The following TRIQK variants were observed in gnomAD, a reference collection of about 807,000 sequenced individuals.
The protein encoded by TRIQK is triple QxxK/R motif-containing protein.
In TRIQK, 10 loss-of-function variants were observed where a neutral mutation model predicts 10.8. The observed-to-expected ratio is 0.92, with a 90% confidence interval of 0.57 to 1.57. TRIQK has a LOEUF of 1.57. TRIQK is among the 40% of genes most tolerant of loss of function. The probability of loss-of-function intolerance (pLI) is 0.00; values close to 1 mark genes in which losing one functional copy is unlikely to be tolerated. For missense variants in TRIQK, 107 were observed against 97.7 expected (o/e 1.09, Z -0.40); for synonymous variants, 33 against 33.7 (o/e 0.98, Z 0.07).
At chr8:92,916,363 T>A (rs1208536984) in intron 3 of TRIQK, among the ~76,000 whole-genome samples, 1 of 152,192 alleles carries the variant, frequency 6.6e-6, no homozygotes, top group Non-Finnish European at 1.5e-5. Flanking sequence ...TAGGGTAGTA[T>A]CTCCTTGAGG....
intron 3 of TRIQK, among the ~76,000 whole-genome samples, chr8:92,914,971 G>T (rs968477313): frequency 2.6e-5 from 4 of 152,118 alleles, no homozygotes; most frequent in Non-Finnish European, 4.4e-5. Context: ...AGTGTCCACA[G>T]ACAGATGACG....
chr8:92,955,114 T>C (rs571749085), intron 1 of TRIQK, among the ~76,000 whole-genome samples: 123 of 151,992 alleles, frequency 8.1e-4, no homozygotes, highest in African/African-American at 2.8e-3. Flanking sequence ...ATATTAAATG[T>C]CAGGCAATGA....
At chr8:92,980,294 T>C (rs942520550) in intron 1 of TRIQK, among the ~76,000 whole-genome samples, 2 of 152,066 alleles carry the variant, frequency 1.3e-5, no homozygotes, top group Non-Finnish European at 2.9e-5. Flanking sequence ...TATTCCTTTT[T>C]AAAATATGCT....
At chr8:93,010,597 T>C (rs773764386) in intron 1 of TRIQK, among the ~76,000 whole-genome samples, 158 of 152,270 alleles carry the variant, frequency 1.0e-3, no homozygotes, top group Non-Finnish European at 7.5e-4. Flanking sequence ...TATATCTCAT[T>C]AAATACTTTT....
chr8:92,946,437 A>G (rs1230707836), intron 2 of TRIQK, among the ~76,000 whole-genome samples: 1 of 152,170 alleles, frequency 6.6e-6, no homozygotes, highest in African/African-American at 2.4e-5. Context: ...CCTCTTTCTT[A>G]AAGGGAAAAA....
At chr8:92,973,903 T>C (rs992573663) in intron 1 of TRIQK, 2 of 152,550 alleles carry the variant, frequency 1.3e-5, no homozygotes, top group African/African-American at 4.8e-5. Flanking sequence ...TATATTTACG[T>C]TGTGAAATCA....
At chr8:92,978,440 A>G (rs550047926) in intron 1 of TRIQK, among the ~76,000 whole-genome samples, 85 of 152,270 alleles carry the variant, frequency 5.6e-4, no homozygotes, top group African/African-American at 2.0e-3. Context: ...TTAGTTCATC[A>G]TGGCTGGGAG....
At chr8:92,937,364 G>A (rs1257544780) in intron 2 of TRIQK, among the ~76,000 whole-genome samples, 1 of 151,598 alleles carries the variant, frequency 6.6e-6, no homozygotes, top group Non-Finnish European at 1.5e-5. Context: ...GCAGGAATGA[G>A]GAAGTACAAT....
chr8:92,904,557 T>C (rs1809149449), intron 3 of TRIQK, among the ~76,000 whole-genome samples: 1 of 152,108 alleles, frequency 6.6e-6, no homozygotes, highest in South Asian at 2.1e-4. Context: ...TAGCACATGG[T>C]CATAACTAGC....
intron 3 of TRIQK, among the ~76,000 whole-genome samples, chr8:92,894,920 G>A (rs763525017): frequency 1.3e-5 from 2 of 152,110 alleles, no homozygotes; most frequent in Non-Finnish European, 2.9e-5. Flanking sequence ...TCTCTGCACA[G>A]TTACCTTATT....
At chr8:92,989,100 A>G (rs559034178) in intron 1 of TRIQK, among the ~76,000 whole-genome samples, 33 of 150,530 alleles carry the variant, frequency 2.2e-4, no homozygotes, top group African/African-American at 8.0e-4. Context: ...TGTGATAAAG[A>G]TAATACTGCA....
At chr8:92,913,228 CAGA>C (rs1208334832) in intron 3 of TRIQK, among the ~76,000 whole-genome samples, 3 of 151,962 alleles carry the variant, frequency 2.0e-5, no homozygotes, top group African/African-American at 2.4e-5. Context: ...TCAACAAATG[CAGA>C]AGAAGCATTT....
intron 2 of TRIQK, among the ~76,000 whole-genome samples, chr8:92,945,171 T>C (rs1252790626): frequency 2.0e-5 from 3 of 152,184 alleles, no homozygotes; most frequent in Non-Finnish European, 4.4e-5. Context: ...CACTACATAC[T>C]GGACTTTCAG....
Position 92,885,765 on chromosome 8 carries a change from A to G in TRIQK, c.*857T>C, listed in dbSNP as rs1816444613. The G allele has an allele frequency of 6.6e-6, 1 of 151,776 alleles. No homozygotes were observed. The highest frequency in any genetic ancestry group is 1.5e-5 in the Non-Finnish European group (1 of 67,830). The allele number at this position is 151,776 out of a possible 1,614,324, so 9.4% of individuals were successfully genotyped here. ...CAGATTTAGGAGACAACCTAAGAAG[A>G]TGATTCTGAGTAGGTAGGATTTTTG... On this transcript the variant is annotated 3_prime_UTR_variant, in exon 5 of 5. Transcript: ENST00000521988.
chr8:92,977,131 T>C (rs1812941290), intron 1 of TRIQK, among the ~76,000 whole-genome samples: 1 of 152,058 alleles, frequency 6.6e-6, no homozygotes, highest in Non-Finnish European at 1.5e-5. Flanking sequence ...TCTCTTTACT[T>C]AAAAGACTTT....
intron 2 of TRIQK, among the ~76,000 whole-genome samples, chr8:92,932,217 A>G (rs1810763611): frequency 6.6e-6 from 1 of 152,090 alleles, no homozygotes; most frequent in South Asian, 2.1e-4. Flanking sequence ...CACTTTATAT[A>G]TTACGCCCTC....
In TRIQK at chr8:92,886,626, T is replaced by A. The variant is rs1816492530; in HGVS notation, c.257A>T (p.Asp86Val). 6.6e-7 allele frequency: 1 copy of A among 1,513,010 alleles called. No homozygotes were observed. Among genetic ancestry groups the A allele is most frequent in the Admixed American group, 2.1e-5 (1 of 47,980 alleles). 93.7% of individuals were successfully genotyped at this position (1,513,010 alleles called of 1,614,324 possible). A position where few individuals can be genotyped will look rare whatever the true frequency, so the allele number is the denominator to read the frequency against. ...CATGCATTGATTGTTGCTTAGCTAA[T>A]CTTCATCTTGGTCCAGATCAGGGTC... The part of the protein sequence containing the change: ...DVDPDLDQDE[D>V] Residue 86 changes from aspartate to valine, a missense_variant, in exon 5 of 5, where the codon GAT becomes GTT. Transcript: ENST00000521988.
chr8:92,975,525 G>A (rs745951874), intron 1 of TRIQK, among the ~76,000 whole-genome samples: 1 of 151,934 alleles, frequency 6.6e-6, no homozygotes, highest in Non-Finnish European at 1.5e-5. Flanking sequence ...GTAGAATTGT[G>A]GTGACCTCAC....
chr8:92,897,755 T>C (rs1182694076), intron 3 of TRIQK, among the ~76,000 whole-genome samples: 2 of 152,170 alleles, frequency 1.3e-5, no homozygotes, highest in Non-Finnish European at 2.9e-5. Context: ...CTAAGTCTCT[T>C]AATTTTGCTG....
Sources: allele counts gnomAD v4.1 joint callset (sites outside exome capture counted in the v4.1 genomes callset), GRCh38; gene constraint gnomAD v4.1.1; transcripts MANE v1.5; gene names NCBI Gene and HGNC (gene_info 2026-07-23, HGNC 2026-07-21).